SCN11A: variants seen among roughly 807,000 people sequenced by gnomAD.
SCN11A encodes the protein sodium channel protein type 11 subunit alpha.
SCN11A carries 122 observed loss-of-function variants against 162.2 expected under a neutral mutation model. The observed-to-expected ratio is 0.75, with a 90% confidence interval of 0.65 to 0.87. The LOEUF is 0.87. Ranked by LOEUF, SCN11A falls within the 40% of genes least tolerant of loss-of-function variation. The pLI is 0.00. For missense variants in SCN11A, 2,015 were observed against 2,181.6 expected, an observed-to-expected ratio of 0.92 and a Z score of 1.52; for synonymous variants, 758 against 751.5, an observed-to-expected ratio of 1.01 and a Z score of -0.14.
chr3:38,858,085 G>A (rs572476480), intron 28 of SCN11A, among the ~76,000 whole-genome samples: 20 of 151,950 alleles, frequency 1.3e-4, no homozygotes, highest in South Asian at 2.1e-4. Context: ...TAATTCTCAC[G>A]GGGCCTATAA....
chr3:39,032,595 CAG>C (rs1048636953), intron 1 of SCN11A, among the ~76,000 whole-genome samples, 92 bp from the exon 2 acceptor site: 12 of 152,082 alleles, frequency 7.9e-5, no homozygotes, highest in African/African-American at 2.7e-4. Context: ...GCAAGAAAAA[CAG>C]AAAATTTCAA....
At chr3:38,947,626 C>A (rs1444477635) in intron 5 of SCN11A, among the ~76,000 whole-genome samples, 1 of 152,352 alleles carries the variant, frequency 6.6e-6, no homozygotes. Context: ...CCCGCCCCCC[C>A]ACAAAGTGCC....
intron 1 of SCN11A, among the ~76,000 whole-genome samples, chr3:39,051,203 T>C (rs1276119260): frequency 6.6e-6 from 1 of 152,070 alleles, no homozygotes; most frequent in Non-Finnish European, 1.5e-5. Flanking sequence ...GTGTTTGTTG[T>C]ACAGGCTATT....
chr3:38,952,134 C>T (rs1302022716), intron 4 of SCN11A, among the ~76,000 whole-genome samples: 4 of 152,120 alleles, frequency 2.6e-5, no homozygotes, highest in African/African-American at 9.7e-5. Context: ...CAACTCCAGA[C>T]GCACTGCCTT....
At chr3:38,911,809 T>C (rs1559527044) in intron 11 of SCN11A, among the ~76,000 whole-genome samples, 1 of 152,338 alleles carries the variant, frequency 6.6e-6, no homozygotes, top group East Asian at 1.9e-4. Flanking sequence ...AACAAGCTGC[T>C]TTTTGTTTTA....
In SCN11A at chr3:39,015,499, C is replaced by T. The variant is rs540085245; in HGVS notation, c.-280+16881G>A. ...ATCTTGAAGCTTGATTATTGTGAAG[C>T]TCCACTGATGTTAATGCCATCTGCT... is the stretch of plus-strand genomic sequence containing the variant. On this transcript the variant is annotated intron_variant, in intron 2 of 29. Coordinates refer to ENST00000302328, the MANE Select transcript of SCN11A (RefSeq NM_001349253.2). Among the ~76,000 whole-genome samples, 12 of 152,152 alleles carry T rather than the reference C, an allele frequency of 7.9e-5. No individual in the cohort carries two copies. The East Asian group carries it at 1.9e-3, about 24-fold the overall frequency.
At chr3:38,946,732 G>A (rs1052690348) in intron 6 of SCN11A, 57 bp downstream of exon 6, 4 of 1,098,810 alleles carry the variant, frequency 3.6e-6, no homozygotes, top group Non-Finnish European at 5.5e-6. Flanking sequence ...GAACACCGTG[G>A]GGCACGTGCA....
At chr3:38,878,255 AT>A (rs1287226535) in intron 23 of SCN11A, among the ~76,000 whole-genome samples, 1 of 151,948 alleles carries the variant, frequency 6.6e-6, no homozygotes, top group Non-Finnish European at 1.5e-5. Context: ...CTGTTTTGAT[AT>A]TTTTAATGGC....
At chr3:38,948,286 C>T (rs933095641) in intron 5 of SCN11A, among the ~76,000 whole-genome samples, 1 of 152,202 alleles carries the variant, frequency 6.6e-6, no homozygotes, top group Non-Finnish European at 1.5e-5. Flanking sequence ...CAATATGGCT[C>T]TCCTTCTGTG....
intron 23 of SCN11A, among the ~76,000 whole-genome samples, chr3:38,877,136 A>G (rs1245915109): frequency 5.0e-5 from 3 of 59,572 alleles, no homozygotes; most frequent in African/African-American, 1.9e-4. Context: ...TGTATATACT[A>G]TATATATGGT....
At chr3:38,879,927 G>T in intron 23 of SCN11A, 23 bp downstream of exon 23, 1 of 1,599,762 alleles carries the variant, frequency 6.3e-7, no homozygotes, top group Non-Finnish European at 8.6e-7. Context: ...AGCCTGTGTG[G>T]GACACAGAGA....
chr3:39,045,887 GAAAACT>G (rs1440490478), intron 1 of SCN11A, among the ~76,000 whole-genome samples: 5 of 152,304 alleles, frequency 3.3e-5, no homozygotes, highest in African/African-American at 1.2e-4. Context: ...CTTATATATA[GAAAACT>G]TAAAGACTTC....
intron 19 of SCN11A, among the ~76,000 whole-genome samples, chr3:38,890,745 C>T (rs1381486390): frequency 6.6e-6 from 1 of 152,204 alleles, no homozygotes; most frequent in Non-Finnish European, 1.5e-5. Flanking sequence ...ACAAAGATAG[C>T]CTTGCTGAAA....
intron 2 of SCN11A, among the ~76,000 whole-genome samples, chr3:39,011,662 T>C (rs994445126): frequency 2.6e-5 from 4 of 152,228 alleles, no homozygotes; most frequent in African/African-American, 9.6e-5. Context: ...TTTTTGCTTA[T>C]CAGGTTGCTC....
At chr3:38,999,697 C>T (rs1034637553) in intron 2 of SCN11A, among the ~76,000 whole-genome samples, 17 of 152,140 alleles carry the variant, frequency 1.1e-4, no homozygotes, top group African/African-American at 4.1e-4. Flanking sequence ...AGTAAAAACA[C>T]CTGACAATAA....
At chr3:39,018,586 A>G (rs988987591) in intron 2 of SCN11A, among the ~76,000 whole-genome samples, 6 of 152,174 alleles carry the variant, frequency 3.9e-5, no homozygotes, top group Admixed American at 1.3e-4. Flanking sequence ...TTGGAGGCTG[A>G]GGTGGGTGGA....
chr3:38,925,571 TC>T, intron 8 of SCN11A, 62 bp from the exon 9 acceptor site: 1 of 1,174,034 alleles, frequency 8.5e-7, no homozygotes, highest in Non-Finnish European at 1.3e-6. Context: ...ACTGCACATC[TC>T]CACAAAAGCC....
intron 2 of SCN11A, among the ~76,000 whole-genome samples, chr3:39,017,253 T>C (rs1427018391): frequency 6.6e-6 from 1 of 152,362 alleles, no homozygotes; most frequent in East Asian, 1.9e-4. Context: ...CAAGTCTGCC[T>C]GCATCTTGCT....
chr3:38,897,123 C>A lies in SCN11A; in HGVS notation c.2125G>T (p.Val709Phe). The change falls in exon 18 of 30, where the codon GTC becomes TTC. Residue 709 changes from valine (V) to phenylalanine (F), a missense_variant. Coordinates refer to ENST00000302328, the MANE Select transcript of SCN11A (RefSeq NM_001349253.2). ...ACTGAGAAAATAAAGATCACAATGA[C>A]CAGGACCACAGTCAGGCTTCCAAGG... ...GALGSLTVVL[V>F]IVIFIFSVVG... The A allele has an allele frequency of 6.2e-7, 1 of 1,614,068 alleles. No homozygotes were observed. Among genetic ancestry groups the A allele is most frequent in the Non-Finnish European group, 8.5e-7 (1 of 1,180,020 alleles).
Sources: gnomAD v4.1 joint callset for allele counts (sites outside exome capture counted in the v4.1 genomes callset) on GRCh38, gnomAD v4.1.1 for gene constraint, MANE v1.5 for transcripts, NCBI Gene and HGNC (gene_info 2026-07-23, HGNC 2026-07-21) for gene names.